The following TMEM275 variants were observed in gnomAD, a reference collection of about 807,000 sequenced individuals.
TMEM275 encodes transmembrane protein 275.
At chr1:46,535,281 T>G (rs976774022) in intron 1 of TMEM275, among the ~76,000 whole-genome samples, 8 of 152,122 alleles carry the variant, frequency 5.3e-5, no homozygotes, top group Non-Finnish European at 8.8e-5. Flanking sequence ...CAGGGCTCCC[T>G]CTCCTGGCAC....
chr1:46,534,297 G>A (rs1666710755), intron 1 of TMEM275, among the ~76,000 whole-genome samples, 158 bp downstream of exon 2: 1 of 152,166 alleles, frequency 6.6e-6, no homozygotes, highest in South Asian at 2.1e-4. Flanking sequence ...CATCAGATGA[G>A]GCCCTGGAGT....
rs1666688279 is a variant in TMEM275, at chr1:46,533,086, GGGGGCTGGGGCC to G, written c.430_441del (p.Gly144_Pro147del). The G allele has an allele frequency of 7.6e-6, 3 of 393,092 alleles. No homozygotes were observed. Among genetic ancestry groups the G allele is most frequent in the Non-Finnish European group, 9.0e-6 (2 of 222,782 alleles). The allele number at this position is 393,092 out of a possible 1,614,324, so 24.4% of individuals were successfully genotyped here. On this transcript the variant is annotated inframe_deletion, in exon 2 of 2. Coordinates refer to ENST00000634804, the Ensembl canonical transcript of TMEM275. This position sits in a 1 kb window ranked among gnomAD's most constrained non-coding sequence, Gnocchi z 4.4. ...GCGGGCGCCGGGGCCTCCAGGGCGA[GGGGGCTGGGGCC>G]GGGGCTGGAGCAGCCGGAGGACGCG... is the stretch of plus-strand genomic sequence containing the variant.
intron 1 of TMEM275, among the ~76,000 whole-genome samples, chr1:46,535,341 T>C (rs926086285): frequency 6.6e-5 from 10 of 152,168 alleles, no homozygotes; most frequent in Admixed American, 1.3e-4. Flanking sequence ...AATCACCTTG[T>C]TGCCGTACCA....
chr1:46,533,058 G>C lies in TMEM275; in HGVS notation c.470C>G (p.Ala157Gly), dbSNP rs1275734465. The C allele has an allele frequency of 7.6e-6, 3 of 395,328 alleles. No individual in the cohort carries two copies. Among genetic ancestry groups the C allele is most frequent in the African/African-American group, 2.1e-5 (1 of 48,436 alleles). 24.5% of individuals were successfully genotyped at this position (395,328 alleles called of 1,614,324 possible). A position where few individuals can be genotyped will look rare whatever the true frequency, so the allele number is the denominator to read the frequency against. The change falls in exon 2 of 2, where the codon GCC (alanine) becomes GGC (glycine). Residue 157 changes from alanine (A) to glycine (G), a missense_variant. By Grantham distance (60) the Ala-to-Gly change is moderately conservative. Transcript: ENST00000634804. The surrounding 1 kb of genome is among the most constrained non-coding windows in gnomAD (Gnocchi z 4.4). ...TCCTTCCGAGCGCAGCGCGCAGACG[G>C]CCGCGGGCGCCGGGGCCTCCAGGGC...
In TMEM275 at chr1:46,533,488, C is replaced by T. The variant is rs1485999253; in HGVS notation, c.40G>A (p.Ala14Thr). ...CGGCCCCGGGCGCGTTCCGCGGGCG[C>T]CGGGACCGGTGGCCCCTCGCTCTTT... Residue 14 changes from alanine (A) to threonine (T), a missense_variant, in exon 2 of 2, where the codon GCG (alanine) becomes ACG (threonine). Transcript: ENST00000634804. This position sits in a 1 kb window ranked among gnomAD's most constrained non-coding sequence, Gnocchi z 4.4. 2.6e-6 allele frequency: 1 copy of T among 389,132 alleles called. No homozygotes were observed. The highest frequency in any genetic ancestry group is 3.7e-5 in the East Asian group (1 of 27,334). 24.1% of individuals were successfully genotyped at this position (389,132 alleles called of 1,614,324 possible). A position where few individuals can be genotyped will look rare whatever the true frequency, so the allele number is the denominator to read the frequency against.
intron 1 of TMEM275, among the ~76,000 whole-genome samples, chr1:46,535,469 C>T (rs1666726526): frequency 6.6e-6 from 1 of 152,244 alleles, no homozygotes. Flanking sequence ...AACATTTGCT[C>T]TCTAACCTGC....
rs1666702137 is a variant in TMEM275 at position 46,533,624 on chromosome 1, A to C, written c.-97T>G. 1 of 366,010 alleles carries C rather than the reference A, an allele frequency of 2.7e-6. No individual in the cohort carries two copies. The highest frequency in any genetic ancestry group is 1.5e-4 in the South Asian group (1 of 6,800). The allele number at this position is 366,010 out of a possible 1,614,324, so 22.7% of individuals were successfully genotyped here. A position where few individuals can be genotyped will look rare whatever the true frequency, so the allele number is the denominator to read the frequency against. On this transcript the variant is annotated 5_prime_UTR_variant, in exon 2 of 2. Transcript: ENST00000634804. This position sits in a 1 kb window ranked among gnomAD's most constrained non-coding sequence, Gnocchi z 4.4. ...CCTCCTCACGCTGGTCCTGTGGGCA[A>C]CTGCCAGGAGCCTCCTCACGCTGGT...
rs904883021 is a variant in TMEM275 at position 46,535,451 on chromosome 1, T to G, written c.-123-1801A>C. Among the ~76,000 whole-genome samples, 5 of 152,238 alleles carry G rather than the reference T, an allele frequency of 3.3e-5. No individual in the cohort carries two copies. The highest frequency in any genetic ancestry group is 6.5e-5 in the Admixed American group (1 of 15,280). ...CACAGATTCCTGAGGAAGCTCCTCA[T>G]CTGCATGAACATTTGCTCTCTAACC... On this transcript the variant is annotated intron_variant, in intron 1 of 1. The change abolishes an upstream ATG in the 5' untranslated region. Coordinates refer to ENST00000634804, the Ensembl canonical transcript of TMEM275.
At chr1:46,535,022 A>T (rs1335304267) in intron 1 of TMEM275, among the ~76,000 whole-genome samples, 89 bp downstream of exon 1, 2 of 152,238 alleles carry the variant, frequency 1.3e-5, no homozygotes, top group African/African-American at 4.8e-5. Context: ...TGGTTGACAG[A>T]GAAGGGAGTC....
chr1:46,533,027 C>T lies in TMEM275; in HGVS notation c.501G>A (p.Gln167=), dbSNP rs995879522. The change falls in exon 2 of 2, where the codon CAG becomes CAA. Residue 167 remains glutamine, a synonymous_variant. Coordinates refer to ENST00000634804, the Ensembl canonical transcript of TMEM275. The surrounding 1 kb of genome is among the most constrained non-coding windows in gnomAD (Gnocchi z 4.4). ...CGGCGCGCGCCCGGGGTGGGTTGAGCTGGACTCCTTCCGAGCGCAGCGCGC... is the reference window on the plus strand; with the variant it reads ...CGGCGCGCGCCCGGGGTGGGTTGAGTTGGACTCCTTCCGAGCGCAGCGCGC... 2.5e-5 allele frequency: 10 copies of T among 396,364 alleles called. No homozygotes were observed. Among genetic ancestry groups the T allele is most frequent in the Non-Finnish European group, 4.5e-6 (1 of 224,674 alleles). 24.6% of individuals were successfully genotyped at this position (396,364 alleles called of 1,614,324 possible).
In TMEM275 at chr1:46,533,159, G is replaced by A; in HGVS notation, c.369C>T (p.Asp123=). 2.6e-6 allele frequency: 1 copy of A among 386,142 alleles called. No individual in the cohort carries two copies. The allele number at this position is 386,142 out of a possible 1,614,324, so 23.9% of individuals were successfully genotyped here. A position where few individuals can be genotyped will look rare whatever the true frequency, so the allele number is the denominator to read the frequency against. ...CAGGGCTGAGCTGCACGGCCGTGGT[G>A]TCCTGTGCCGTGGGCTCGCTGCTCT... The change falls in exon 2 of 2, where the codon GAC becomes GAT. Residue 123 remains aspartate (D), a synonymous_variant. Transcript: ENST00000634804. This position sits in a 1 kb window ranked among gnomAD's most constrained non-coding sequence, Gnocchi z 4.4.
In TMEM275 at chr1:46,533,752, T is replaced by G. The variant is rs1217526405; in HGVS notation, c.-123-102A>C. 1 of 359,878 alleles carries G rather than the reference T, an allele frequency of 2.8e-6. No homozygotes were observed. 22.3% of individuals were successfully genotyped at this position (359,878 alleles called of 1,614,324 possible). A position where few individuals can be genotyped will look rare whatever the true frequency, so the allele number is the denominator to read the frequency against. On this transcript the variant is annotated intron_variant, in intron 1 of 1. Transcript: ENST00000634804. This position sits in a 1 kb window ranked among gnomAD's most constrained non-coding sequence, Gnocchi z 4.4. Reference sequence around the variant, plus strand: ...TGAGTGCCTGGGTGGGCAGAGGTCATCTTGGCCAGCCCCCTGCCTCTGCCT... The same window carrying G: ...TGAGTGCCTGGGTGGGCAGAGGTCAGCTTGGCCAGCCCCCTGCCTCTGCCT...
At chr1:46,532,614 G>A (rs576602511) in exon 2 of TMEM275, 7 of 165,542 alleles carry the variant, frequency 4.2e-5, no homozygotes, top group African/African-American at 7.1e-5. Flanking sequence ...CCTTCAGGGT[G>A]GGTGCTCCTT....
chr1:46,535,023 G>A (rs1051699329), intron 1 of TMEM275, among the ~76,000 whole-genome samples, 88 bp downstream of exon 1: 1 of 152,226 alleles, frequency 6.6e-6, no homozygotes, highest in African/African-American at 2.4e-5. Flanking sequence ...GGTTGACAGA[G>A]AAGGGAGTCA....
At position 46,533,018 on chromosome 1, in the gene TMEM275, T is replaced by A. The variant is rs1569915871; in HGVS notation, c.510A>T (p.Pro170=). The A allele has an allele frequency of 2.3e-5, 9 of 391,946 alleles. No homozygotes were observed. The highest frequency in any genetic ancestry group is 4.0e-5 in the Non-Finnish European group (9 of 223,346). The allele number at this position is 391,946 out of a possible 1,614,324, so 24.3% of individuals were successfully genotyped here. A position where few individuals can be genotyped will look rare whatever the true frequency, so the allele number is the denominator to read the frequency against. ...GCTAGGGGGCGGCGCGCGCCCGGGGTGGGTTGAGCTGGACTCCTTCCGAGC... is the reference window on the plus strand; with the variant it reads ...GCTAGGGGGCGGCGCGCGCCCGGGGAGGGTTGAGCTGGACTCCTTCCGAGC... Residue 170 remains proline, a synonymous_variant, in exon 2 of 2, where the codon CCA becomes CCT. Coordinates refer to ENST00000634804, the Ensembl canonical transcript of TMEM275. The surrounding 1 kb of genome is among the most constrained non-coding windows in gnomAD (Gnocchi z 4.4).
chr1:46,535,271 C>T (rs1666723260), intron 1 of TMEM275, among the ~76,000 whole-genome samples: 1 of 152,186 alleles, frequency 6.6e-6, no homozygotes, highest in African/African-American at 2.4e-5. Context: ...CTGATGACTC[C>T]AGGGCTCCCT....
In TMEM275 at chr1:46,533,126, G is replaced by A. The variant is rs1423392666; in HGVS notation, c.402C>T (p.Ser134=). The change falls in exon 2 of 2, where the codon TCC becomes TCT. Residue 134 remains serine, a synonymous_variant. Transcript: ENST00000634804. This position sits in a 1 kb window ranked among gnomAD's most constrained non-coding sequence, Gnocchi z 4.4. ...GGCTGGAGCAGCCGGAGGACGCGGC[G>A]GAGACGGCAGGGCTGAGCTGCACGG... is the stretch of plus-strand genomic sequence containing the variant. 5.1e-6 allele frequency: 2 copies of A among 389,926 alleles called. No individual in the cohort carries two copies. The highest frequency in any genetic ancestry group is 9.1e-6 in the Non-Finnish European group (2 of 220,734). The allele number at this position is 389,926 out of a possible 1,614,324, so 24.2% of individuals were successfully genotyped here.
At position 46,533,222 on chromosome 1, in the gene TMEM275, C is replaced by G. The variant is rs1261991246; in HGVS notation, c.306G>C (p.Gln102His). 5.9e-6 allele frequency: 2 copies of G among 336,294 alleles called. No homozygotes were observed. Among genetic ancestry groups the G allele is most frequent in the East Asian group, 9.1e-5 (2 of 22,086 alleles). 20.8% of individuals were successfully genotyped at this position (336,294 alleles called of 1,614,324 possible). A position where few individuals can be genotyped will look rare whatever the true frequency, so the allele number is the denominator to read the frequency against. ...CCACGGGCCCGGCGCGGCCGCCACC[C>G]TGGCCCGGGCCCGCCGCGGCCGCCG... The change falls in exon 2 of 2, where the codon CAG becomes CAC. Residue 102 changes from glutamine to histidine, a missense_variant. Physicochemically the swap from Gln to His is conservative, Grantham distance 24. Coordinates refer to ENST00000634804, the Ensembl canonical transcript of TMEM275. The surrounding 1 kb of genome is among the most constrained non-coding windows in gnomAD (Gnocchi z 4.4).
rs1666696861 is a variant in TMEM275 at position 46,533,438 on chromosome 1, C to T, written c.90G>A (p.Ala30=). ...CGCACAGACCGCAGGCGCAGCACAG[C>T]GCCGGCGACGGCAGGCCGGGCACCC... Residue 30 remains alanine, a synonymous_variant, in exon 2 of 2, where the codon GCG becomes GCA. Coordinates refer to ENST00000634804, the Ensembl canonical transcript of TMEM275. The surrounding 1 kb of genome is among the most constrained non-coding windows in gnomAD (Gnocchi z 4.4). 2 of 382,034 alleles carry T rather than the reference C, an allele frequency of 5.2e-6. No individual in the cohort carries two copies. The highest frequency in any genetic ancestry group is 2.6e-4 in the South Asian group (2 of 7,752). 23.7% of individuals were successfully genotyped at this position (382,034 alleles called of 1,614,324 possible).
Sources: allele counts gnomAD v4.1 joint callset (sites outside exome capture counted in the v4.1 genomes callset), GRCh38; gene constraint gnomAD v4.1.1; non-coding constraint Gnocchi (gnomAD v3.1); transcripts MANE v1.5; gene names NCBI Gene and HGNC (gene_info 2026-07-23, HGNC 2026-07-21).